SAE1: variants seen among roughly 807,000 people sequenced by gnomAD.
The protein encoded by SAE1 is SUMO1 activating enzyme subunit 1.
A neutral mutation model predicts 40.6 loss-of-function variants in SAE1; 11 were observed. The ratio of observed to expected loss-of-function variants is 0.27; its 90% confidence interval spans 0.17 to 0.45. The LOEUF (loss-of-function observed/expected upper bound fraction) is 0.45. SAE1 is among the 20% of genes least tolerant of loss of function. SAE1 has a pLI of 1.00. For missense variants in SAE1, 373 were observed against 427.3 expected, an observed-to-expected ratio of 0.87 and a Z score of 1.12; for synonymous variants, 155 against 154.3, an observed-to-expected ratio of 1.00 and a Z score of -0.03.
intron 6 of SAE1, among the ~76,000 whole-genome samples, chr19:47,193,233 G>A (rs2058590927): frequency 6.6e-6 from 1 of 150,632 alleles, no homozygotes; most frequent in South Asian, 2.1e-4. Context: ...AATTTTTTTG[G>A]TATTTTTAGT....
chr19:47,210,224 TGA>T lies in SAE1; in HGVS notation c.*977_*978del, dbSNP rs2058706792. 1 of 152,216 alleles carries T rather than the reference TGA, an allele frequency of 6.6e-6. No individual in the cohort carries two copies. The highest frequency in any genetic ancestry group is 6.5e-5 in the Admixed American group (1 of 15,274). 9.4% of individuals were successfully genotyped at this position (152,216 alleles called of 1,614,324 possible). ...GTTTTTCTTCCACTTCAGAAGCTTCTGAGAGGGAATGGGATGATCCTACCAGT... is the reference window on the plus strand; with the variant it reads ...GTTTTTCTTCCACTTCAGAAGCTTCTGAGGGAATGGGATGATCCTACCAGT... On this transcript the variant is annotated 3_prime_UTR_variant, in exon 9 of 9. Transcript: ENST00000270225.
chr19:47,200,334 G>A (rs2058645375), intron 7 of SAE1, among the ~76,000 whole-genome samples: 1 of 150,276 alleles, frequency 6.7e-6, no homozygotes, highest in South Asian at 2.1e-4. Flanking sequence ...CTGGGCTCAG[G>A]CAACACTCTC....
intron 3 of SAE1, 24 bp downstream of exon 3, chr19:47,150,399 G>T (rs993735664): frequency 3.2e-6 from 5 of 1,576,316 alleles, no homozygotes; most frequent in Non-Finnish European, 4.3e-6. Flanking sequence ...TATAAAATCT[G>T]CTGTGGGAAT....
intron 1 of SAE1, among the ~76,000 whole-genome samples, chr19:47,134,719 G>A (rs1362972986): frequency 6.6e-6 from 1 of 152,122 alleles, no homozygotes; most frequent in African/African-American, 2.4e-5. Context: ...GGTTTAAACT[G>A]GAATGTAGTT....
chr19:47,210,276 A>G lies in SAE1; in HGVS notation c.*1025A>G, dbSNP rs1005814669. 1 of 152,096 alleles carries G rather than the reference A, an allele frequency of 6.6e-6. No individual in the cohort carries two copies. The highest frequency in any genetic ancestry group is 1.5e-5 in the Non-Finnish European group (1 of 68,022). 9.4% of individuals were successfully genotyped at this position (152,096 alleles called of 1,614,324 possible). On this transcript the variant is annotated 3_prime_UTR_variant, in exon 9 of 9. Transcript: ENST00000270225. Reference sequence around the variant, plus strand: ...TTGCCTTTTCAGACCTGAGGCTCTAACTCAAGAGATTCCTCCTCTCCCTCA... The same window carrying G: ...TTGCCTTTTCAGACCTGAGGCTCTAGCTCAAGAGATTCCTCCTCTCCCTCA...
chr19:47,198,610 A>G (rs1288808494), intron 7 of SAE1, among the ~76,000 whole-genome samples: 1 of 152,198 alleles, frequency 6.6e-6, no homozygotes, highest in East Asian at 1.9e-4. Context: ...CCCAGGTATC[A>G]TTACAGTGCT....
intron 6 of SAE1, among the ~76,000 whole-genome samples, chr19:47,175,356 G>A (rs185987381): frequency 3.0e-4 from 45 of 152,192 alleles, no homozygotes; most frequent in African/African-American, 9.6e-4. Context: ...TGTGATTGCC[G>A]AAAGTCATAT....
intron 6 of SAE1, among the ~76,000 whole-genome samples, chr19:47,194,830 C>A (rs2058603428): frequency 6.7e-6 from 1 of 149,308 alleles, no homozygotes; most frequent in African/African-American, 2.5e-5. Context: ...CTCACTGCAA[C>A]CTCCCAGGTT....
intron 1 of SAE1, among the ~76,000 whole-genome samples, chr19:47,140,937 C>T (rs746659079): frequency 5.3e-5 from 8 of 152,030 alleles, no homozygotes; most frequent in Non-Finnish European, 1.2e-4. Context: ...AAACCTCTGC[C>T]TCTCAGGTTC....
chr19:47,161,011 T>C (rs1270692849), intron 5 of SAE1, among the ~76,000 whole-genome samples: 2 of 152,056 alleles, frequency 1.3e-5, no homozygotes, highest in Non-Finnish European at 2.9e-5. Flanking sequence ...TTATATGTTA[T>C]TTATTTTTGA....
intron 6 of SAE1, among the ~76,000 whole-genome samples, chr19:47,170,456 C>T (rs2058423641): frequency 6.7e-6 from 1 of 150,022 alleles, no homozygotes; most frequent in Non-Finnish European, 1.5e-5. Flanking sequence ...TAGGCATGAG[C>T]CACCATGTGA....
chr19:47,150,074 CAAAAAAA>C (rs34440742), intron 2 of SAE1, 121 bp from the exon 3 acceptor site: 58 of 339,366 alleles, frequency 1.7e-4, no homozygotes, highest in South Asian at 1.5e-3. Context: ...AAGACTGTCT[CAAAAAAA>C]AAAAAAAAAA....
intron 1 of SAE1, among the ~76,000 whole-genome samples, chr19:47,141,159 G>A (rs1474061130): frequency 6.6e-6 from 1 of 152,010 alleles, no homozygotes; most frequent in Non-Finnish European, 1.5e-5. Flanking sequence ...CTGCCACCAC[G>A]CCTGGCTAAT....
chr19:47,180,130 C>T (rs1450282335), intron 6 of SAE1: 8 of 455,426 alleles, frequency 1.8e-5, no homozygotes, highest in Admixed American at 1.2e-4. Flanking sequence ...CACTTTTACA[C>T]GTGTTTATTT....
At chr19:47,204,495 G>T (rs760735806) in intron 8 of SAE1, among the ~76,000 whole-genome samples, 1 of 125,430 alleles carries the variant, frequency 8.0e-6, no homozygotes, top group East Asian at 2.4e-4. Context: ...ACTGTACCCA[G>T]CCGCACCCCC....
Position 47,181,388 on chromosome 19 carries a change from C to T in SAE1, c.733+11465C>T, listed in dbSNP as rs567323646. Reference sequence around the variant, plus strand: ...GTAGGTTAGATAGCAGTACTGTTTCCATGTTATTTATTTTTACAGTTATGA... The same window carrying T: ...GTAGGTTAGATAGCAGTACTGTTTCTATGTTATTTATTTTTACAGTTATGA... On this transcript the variant is annotated intron_variant, in intron 6 of 8. Transcript: ENST00000270225. Among the ~76,000 whole-genome samples, 6 of 151,352 alleles carry T rather than the reference C, an allele frequency of 4.0e-5. No homozygotes were observed. In the East Asian group the frequency reaches 1.2e-3, roughly 29 times the overall value.
At chr19:47,192,837 G>A (rs2058587872) in intron 6 of SAE1, among the ~76,000 whole-genome samples, 1 of 152,048 alleles carries the variant, frequency 6.6e-6, no homozygotes. Context: ...ACTGCACCTG[G>A]CCTCCTTTAT....
At chr19:47,136,355 C>G (rs1156279411) in intron 1 of SAE1, among the ~76,000 whole-genome samples, 1 of 151,680 alleles carries the variant, frequency 6.6e-6, no homozygotes, top group Non-Finnish European at 1.5e-5. Flanking sequence ...CCAGGCTGGT[C>G]TCAAACTCCT....
chr19:47,165,872 G>GA (rs1273387049), intron 5 of SAE1, among the ~76,000 whole-genome samples: 1 of 152,200 alleles, frequency 6.6e-6, no homozygotes, highest in African/African-American at 2.4e-5. Context: ...GAGGCATTAG[G>GA]AATTTGTGGC....
Sources: gnomAD v4.1 joint callset for allele counts (sites outside exome capture counted in the v4.1 genomes callset) on GRCh38, gnomAD v4.1.1 for gene constraint, MANE v1.5 for transcripts, NCBI Gene and HGNC (gene_info 2026-07-23, HGNC 2026-07-21) for gene names.